NRXN3: variants seen among roughly 807,000 people sequenced by gnomAD.
The protein encoded by NRXN3 is neurexin 3, also known as neurexin III.
In NRXN3, 32 loss-of-function variants were observed where a neutral mutation model predicts 137.6. The ratio of observed to expected loss-of-function variants is 0.23; its 90% CI spans 0.18 to 0.31. The LOEUF (loss-of-function observed/expected upper bound fraction) is 0.31. Among genes scored for constraint, NRXN3 ranks in the 10% least tolerant of loss-of-function variants. The pLI is 1.00. For missense variants in NRXN3, 1,574 were observed against 2,062.5 expected (o/e 0.76, Z 4.59); for synonymous variants, 798 against 784.5 (o/e 1.02, Z -0.29).
chr14:79,467,730 G>A (rs1384279341), intron 16 of NRXN3, among the ~76,000 whole-genome samples: 3 of 151,016 alleles, frequency 2.0e-5, no homozygotes, highest in Non-Finnish European at 4.4e-5. Context: ...ATCTTACCTG[G>A]TGCAAGCAGC....
At chr14:79,709,074 T>C (rs555041006) in intron 19 of NRXN3, among the ~76,000 whole-genome samples, 83 of 152,240 alleles carry the variant, frequency 5.5e-4, no homozygotes, top group Non-Finnish European at 1.1e-3. Context: ...AATGTGTGTA[T>C]ACAGATCACC....
chr14:78,917,257 A>G (rs1159895905), intron 10 of NRXN3, among the ~76,000 whole-genome samples: 4 of 152,214 alleles, frequency 2.6e-5, no homozygotes, highest in African/African-American at 4.8e-5. Flanking sequence ...TCATGATATA[A>G]AACAGAAAGA....
At chr14:78,715,959 C>A (rs745423274) in intron 8 of NRXN3, among the ~76,000 whole-genome samples, 1 of 152,104 alleles carries the variant, frequency 6.6e-6, no homozygotes, top group Non-Finnish European at 1.5e-5. Flanking sequence ...TAGTGAGCAA[C>A]CCTGACAGTT....
At chr14:78,984,117 T>C (rs2099496839) in intron 14 of NRXN3, among the ~76,000 whole-genome samples, 1 of 152,002 alleles carries the variant, frequency 6.6e-6, no homozygotes, top group Non-Finnish European at 1.5e-5. Flanking sequence ...AAAGTTTCAA[T>C]TAGACAAGAG....
intron 16 of NRXN3, among the ~76,000 whole-genome samples, chr14:79,616,300 T>C (rs530236176): frequency 8.0e-4 from 121 of 151,934 alleles, no homozygotes; most frequent in Non-Finnish European, 1.4e-3. Context: ...AGAGAGGATA[T>C]GTGTGGGAAA....
intron 4 of NRXN3, among the ~76,000 whole-genome samples, chr14:78,366,465 A>G (rs1407926015): frequency 1.3e-5 from 2 of 152,210 alleles, no homozygotes; most frequent in African/African-American, 2.4e-5. Flanking sequence ...ATAGAAAAAC[A>G]TAAAAGAAGT....
intron 4 of NRXN3, among the ~76,000 whole-genome samples, chr14:78,625,254 G>A (rs114020009): frequency 0.011 from 1,641 of 152,280 alleles, 30 homozygotes; most frequent in African/African-American, 0.038. Flanking sequence ...AGAAACACGA[G>A]GGATTATTCT....
At chr14:79,192,741 A>G (rs1387832182) in intron 15 of NRXN3, among the ~76,000 whole-genome samples, 1 of 151,604 alleles carries the variant, frequency 6.6e-6, no homozygotes, top group East Asian at 1.9e-4. Flanking sequence ...AGCAATATGT[A>G]AAAAGACATG....
At chr14:78,428,881 C>T (rs1192114123) in intron 4 of NRXN3, among the ~76,000 whole-genome samples, 4 of 152,078 alleles carry the variant, frequency 2.6e-5, no homozygotes, top group African/African-American at 9.7e-5. Flanking sequence ...CTGTTAATCT[C>T]ACCCAAAAAA....
intron 1 of NRXN3, among the ~76,000 whole-genome samples, chr14:78,185,220 G>T (rs528804978): frequency 1.3e-5 from 2 of 152,134 alleles, no homozygotes; most frequent in African/African-American, 4.8e-5. Context: ...AGGAGGCCTC[G>T]ATCTATTATA....
intron 15 of NRXN3, among the ~76,000 whole-genome samples, chr14:79,172,354 T>G (rs1400040989): frequency 3.3e-5 from 5 of 152,196 alleles, no homozygotes; most frequent in Non-Finnish European, 7.4e-5. Context: ...GTATCCCTCA[T>G]GTTTATTCTG....
In NRXN3 at chr14:78,657,041, C is replaced by T. The variant is rs576339905; in HGVS notation, c.1221+5715C>T. 3.4e-3 allele frequency among the ~76,000 whole-genome samples: 373 copies of T among 109,206 alleles called. 5 individuals are homozygous for T. Among genetic ancestry groups the T allele is most frequent in the African/African-American group, 0.014 (360 of 24,916 alleles). The allele number at this position is 109,206 out of a possible 152,430, so 71.6% of individuals were successfully genotyped here. A position where few individuals can be genotyped will look rare whatever the true frequency, so the allele number is the denominator to read the frequency against. ...CAGCCTGGGCGACAGAGTGAGACTC[C>T]GTCTCAAAAAAAAAAAAAAAAAAAA... On this transcript the variant is annotated intron_variant, in intron 6 of 20. Coordinates refer to ENST00000335750, the MANE Select transcript of NRXN3 (RefSeq NM_001330195.2).
intron 16 of NRXN3, among the ~76,000 whole-genome samples, chr14:79,470,841 A>C (rs958928253): frequency 6.6e-6 from 1 of 151,098 alleles, no homozygotes; most frequent in East Asian, 2.0e-4. Flanking sequence ...ACAAACTCCA[A>C]AATTAGCCAG....
intron 16 of NRXN3, among the ~76,000 whole-genome samples, chr14:79,579,334 GAT>G (rs887438240): frequency 1.2e-3 from 160 of 136,342 alleles, no homozygotes; most frequent in African/African-American, 4.4e-3. Flanking sequence ...GTATGTGTGA[GAT>G]ATATATATAT....
chr14:79,116,446 C>T (rs1241819660), intron 15 of NRXN3, among the ~76,000 whole-genome samples: 2 of 152,128 alleles, frequency 1.3e-5, no homozygotes, highest in East Asian at 3.9e-4. Context: ...CCGGGCTGAC[C>T]CCATTACGCA....
intron 6 of NRXN3, among the ~76,000 whole-genome samples, chr14:78,668,720 A>G (rs1334072138): frequency 6.6e-6 from 1 of 152,324 alleles, no homozygotes; most frequent in Non-Finnish European, 1.5e-5. Flanking sequence ...TATGGTCTCT[A>G]TCACGACTAT....
chr14:78,530,757 T>C (rs900899958), intron 4 of NRXN3, among the ~76,000 whole-genome samples: 1 of 152,226 alleles, frequency 6.6e-6, no homozygotes, highest in African/African-American at 2.4e-5. Context: ...TTCATGGGGA[T>C]GAATCCTTCC....
chr14:78,941,860 G>A (rs2099353652), intron 10 of NRXN3, among the ~76,000 whole-genome samples: 1 of 152,180 alleles, frequency 6.6e-6, no homozygotes, highest in Non-Finnish European at 1.5e-5. Flanking sequence ...GGATTGTCGA[G>A]TTAGCCCTGA....
chr14:78,356,113 A>G (rs2084268317), intron 4 of NRXN3, among the ~76,000 whole-genome samples: 1 of 152,242 alleles, frequency 6.6e-6, no homozygotes, highest in South Asian at 2.1e-4. Context: ...AATTGTTGAC[A>G]CAGAAATTCT....
Sources: gnomAD v4.1 joint callset for allele counts (sites outside exome capture counted in the v4.1 genomes callset) on GRCh38, gnomAD v4.1.1 for gene constraint, MANE v1.5 for transcripts, NCBI Gene and HGNC (gene_info 2026-07-23, HGNC 2026-07-21) for gene names.